The following APTX variants were observed in gnomAD, a reference collection of about 807,000 sequenced individuals.
The protein encoded by APTX is aprataxin, also known as forkhead-associated domain histidine triad-like protein.
APTX carries 33 observed loss-of-function variants against 42.3 expected under a neutral mutation model. That is an observed-to-expected ratio of 0.78 (90% CI 0.59 to 1.04). The LOEUF (loss-of-function observed/expected upper bound fraction) is 1.04, where lower values mean the gene tolerates loss of function less well. Ranked by LOEUF, APTX falls within the 50% of genes least tolerant of loss-of-function variation. APTX has a pLI of 0.00. For synonymous variants in APTX, 130 were observed against 146.7 expected (o/e 0.89, Z 0.82); for missense variants, 421 against 415.1 (o/e 1.01, Z -0.12).
At chr9:32,993,862 G>C (rs1387290526) in intron 1 of APTX, among the ~76,000 whole-genome samples, 1 of 151,978 alleles carries the variant, frequency 6.6e-6, no homozygotes. Context: ...GGGATTACAG[G>C]GGTGCATTAC....
intron 1 of APTX, among the ~76,000 whole-genome samples, chr9:33,007,157 G>A (rs1837217638): frequency 6.6e-6 from 1 of 152,114 alleles, no homozygotes; most frequent in Admixed American, 6.6e-5. Context: ...TGAGGAAAGA[G>A]CATGTACAAA....
chr9:33,018,644 C>G (rs934998109), intron 1 of APTX, among the ~76,000 whole-genome samples: 24 of 150,780 alleles, frequency 1.6e-4, no homozygotes, highest in South Asian at 1.5e-3. Flanking sequence ...CTTTGGCAGG[C>G]CGAGGCAGGT....
At chr9:32,976,499 C>T (rs1476524566) in intron 6 of APTX, among the ~76,000 whole-genome samples, 1 of 152,202 alleles carries the variant, frequency 6.6e-6, no homozygotes, top group East Asian at 1.9e-4. Context: ...AAAAAATTAT[C>T]TATCAACCTC....
intron 1 of APTX, among the ~76,000 whole-genome samples, chr9:33,022,445 T>G (rs1167889522): frequency 6.6e-6 from 1 of 152,240 alleles, no homozygotes; most frequent in Non-Finnish European, 1.5e-5. Context: ...CTGGAAGCAG[T>G]TACAAACCAG....
rs558042200 is a variant in APTX, at chr9:32,989,375, G to A, written c.133+384C>T. Among the ~76,000 whole-genome samples, 4 of 152,272 alleles carry A rather than the reference G, an allele frequency of 2.6e-5. No individual in the cohort carries two copies. In the South Asian group the frequency reaches 8.3e-4, roughly 32 times the overall value. ...ATGCCACTGTCTCATAATACTTTGCGTGAAGCAATATGTAAAGGACGGCAC... is the reference window on the plus strand; with the variant it reads ...ATGCCACTGTCTCATAATACTTTGCATGAAGCAATATGTAAAGGACGGCAC... On this transcript the variant is annotated intron_variant, in intron 2 of 7. Coordinates refer to ENST00000379817, the MANE Select transcript of APTX (RefSeq NM_001195248.2).
At chr9:33,020,990 G>A (rs1451721049) in intron 1 of APTX, among the ~76,000 whole-genome samples, 3 of 152,144 alleles carry the variant, frequency 2.0e-5, no homozygotes, top group Non-Finnish European at 2.9e-5. Context: ...TTAGCCAGGC[G>A]TGGTGGAACA....
chr9:33,018,964 TAA>T (rs998025370), intron 1 of APTX, among the ~76,000 whole-genome samples: 3 of 152,136 alleles, frequency 2.0e-5, no homozygotes, highest in African/African-American at 7.2e-5. Flanking sequence ...AAGATGAGAC[TAA>T]AGAGATATGA....
intron 1 of APTX, among the ~76,000 whole-genome samples, chr9:33,015,232 C>T (rs1837810453): frequency 6.6e-6 from 1 of 152,206 alleles, no homozygotes; most frequent in Admixed American, 6.5e-5. Flanking sequence ...ATACATTATA[C>T]ACATCTGCAC....
chr9:33,005,938 C>T (rs1049348222), upstream of APTX, among the ~76,000 whole-genome samples: 4 of 152,032 alleles, frequency 2.6e-5, no homozygotes, highest in Non-Finnish European at 4.4e-5. Flanking sequence ...GTCTGTATGT[C>T]TGTCTTTACA....
rs1367720453 is a variant in APTX, at chr9:32,986,815, T to C, written c.483+729A>G. 2.0e-5 allele frequency among the ~76,000 whole-genome samples: 3 copies of C among 149,012 alleles called. No individual in the cohort carries two copies. In the East Asian group the frequency reaches 6.1e-4, roughly 30 times the overall value. On this transcript the variant is annotated intron_variant, in intron 4 of 7. Transcript: ENST00000379817. ...CACACCCAGCTGTTTTTTATTATTG[T>C]TGTTGTTTTTTGAGATGGAGTCTCG...
chr9:33,005,839 C>T (rs1346210856), upstream of APTX, among the ~76,000 whole-genome samples: 1 of 152,188 alleles, frequency 6.6e-6, no homozygotes, highest in Non-Finnish European at 1.5e-5. Flanking sequence ...ACTGCCCTTT[C>T]CTCACTGAAT....
chr9:32,984,958 G>A (rs909957944), intron 5 of APTX, 101 bp from the exon 6 acceptor site: 5 of 1,154,302 alleles, frequency 4.3e-6, no homozygotes, highest in Non-Finnish European at 5.1e-6. Context: ...ACAGTCTTGT[G>A]CAAATGGTTT....
chr9:33,006,382 C>A (rs1268733777), upstream of APTX, among the ~76,000 whole-genome samples: 1 of 152,178 alleles, frequency 6.6e-6, no homozygotes, highest in Non-Finnish European at 1.5e-5. Context: ...CTGCCATGTG[C>A]TCTCCAGTTT....
chr9:32,995,039 CA>C (rs1328395455), intron 1 of APTX, among the ~76,000 whole-genome samples: 1 of 152,180 alleles, frequency 6.6e-6, no homozygotes, highest in Admixed American at 6.5e-5. Context: ...TATTACTGCT[CA>C]TTGACAATGC....
At chr9:32,987,047 C>A (rs1315215788) in intron 4 of APTX, among the ~76,000 whole-genome samples, 2 of 152,134 alleles carry the variant, frequency 1.3e-5, no homozygotes. Context: ...TCCTGACCCT[C>A]AAGTGATCTG....
chr9:32,978,730 T>C (rs997599676), intron 6 of APTX, among the ~76,000 whole-genome samples: 3 of 152,154 alleles, frequency 2.0e-5, no homozygotes, highest in Non-Finnish European at 4.4e-5. Flanking sequence ...ATGGTATGTA[T>C]CCTCCCACCT....
chr9:33,013,648 T>C (rs1395763999), intron 1 of APTX, among the ~76,000 whole-genome samples: 2 of 151,870 alleles, frequency 1.3e-5, no homozygotes, highest in East Asian at 3.9e-4. Flanking sequence ...CTACTAAAAA[T>C]ACAAAAAAAT....
chr9:32,996,414 TAC>T (rs1250748906), intron 1 of APTX, among the ~76,000 whole-genome samples: 1 of 152,106 alleles, frequency 6.6e-6, no homozygotes, highest in African/African-American at 2.4e-5. Flanking sequence ...TAGCTGGGAC[TAC>T]AGACACACAC....
intron 4 of APTX, 31 bp from the exon 5 acceptor site, chr9:32,986,061 AAAAAAAAAACAAGC>A: frequency 6.7e-7 from 1 of 1,484,750 alleles, no homozygotes; most frequent in Non-Finnish European, 9.2e-7. Flanking sequence ...AAAACAAAAA[AAAAAAAAAACAAGC>A]AATGTAAATT....
Sources: gnomAD v4.1 joint callset for allele counts (sites outside exome capture counted in the v4.1 genomes callset) on GRCh38, gnomAD v4.1.1 for gene constraint, MANE v1.5 for transcripts, NCBI Gene and HGNC (gene_info 2026-07-23, HGNC 2026-07-21) for gene names.